The following C6orf52 variants were observed in gnomAD, a reference collection of about 807,000 sequenced individuals.
C6orf52 encodes chromosome 6 open reading frame 52.
A neutral mutation model predicts 16.6 loss-of-function variants in C6orf52; 16 were observed. The ratio of observed to expected loss-of-function variants is 0.96; its 90% CI spans 0.65 to 1.46. C6orf52 has a LOEUF of 1.46. Ranked by LOEUF, C6orf52 falls within the 40% of genes most tolerant of loss-of-function variation. C6orf52 has a pLI of 0.00. For missense variants in C6orf52, 166 were observed against 182.3 expected, an observed-to-expected ratio of 0.91 and a Z score of 0.52; for synonymous variants, 53 against 61.4, an observed-to-expected ratio of 0.86 and a Z score of 0.64.
chr6:10,686,866 G>C (rs1768905813), intron 3 of C6orf52, 100 bp downstream of exon 3: 10 of 870,446 alleles, frequency 1.1e-5, no homozygotes, highest in Non-Finnish European at 1.7e-5. Flanking sequence ...CATGTCTGTG[G>C]GAATTTGGAT....
chr6:10,672,719 G>A (rs771738928), intron 4 of C6orf52: 42 of 530,134 alleles, frequency 7.9e-5, no homozygotes, highest in Middle Eastern at 4.9e-4. Context: ...GCATAAAGAG[G>A]TCAAGTGTGG....
At chr6:10,679,207 A>T (rs921114910) in intron 4 of C6orf52, among the ~76,000 whole-genome samples, 6 of 152,104 alleles carry the variant, frequency 3.9e-5, no homozygotes, top group African/African-American at 1.4e-4. Flanking sequence ...TGGGAGGATG[A>T]CGTGGGTGGA....
rs377226767 is a variant in C6orf52 at position 10,694,587 on chromosome 6, C to A, written c.-105G>T. ...CCCACAACAATGCACGCTGCCGGCG[C>A]TACAGCCCCTAAGCAACCGGCCGGA... On this transcript the variant is annotated 5_prime_UTR_variant, in exon 1 of 5. Transcript: ENST00000259983. 2.3e-4 allele frequency: 40 copies of A among 170,510 alleles called. No homozygotes were observed. The highest frequency in any genetic ancestry group is 1.2e-3 in the South Asian group (10 of 8,568). 10.6% of individuals were successfully genotyped at this position (170,510 alleles called of 1,614,324 possible). A position where few individuals can be genotyped will look rare whatever the true frequency, so the allele number is the denominator to read the frequency against.
intron 3 of C6orf52, among the ~76,000 whole-genome samples, 173 bp from the exon 4 acceptor site, chr6:10,683,405 G>A (rs1401199234): frequency 9.9e-5 from 15 of 152,138 alleles, no homozygotes; most frequent in Admixed American, 9.8e-4. Context: ...ATCTTTAGGT[G>A]GCATAGTACA....
intron 4 of C6orf52, among the ~76,000 whole-genome samples, chr6:10,676,136 AC>A (rs1209158812): frequency 2.1e-5 from 3 of 145,444 alleles, no homozygotes; most frequent in Non-Finnish European, 4.4e-5. Flanking sequence ...TCTCAAAAAA[AC>A]AAAACAAAAC....
At chr6:10,673,252 T>G (rs1457136794) in intron 4 of C6orf52, among the ~76,000 whole-genome samples, 1 of 152,246 alleles carries the variant, frequency 6.6e-6, no homozygotes, top group African/African-American at 2.4e-5. Context: ...GAGCATGCTC[T>G]CCACTTAACC....
Position 10,694,591 on chromosome 6 carries a change from A to AAT in C6orf52, c.-110_-109insAT. On this transcript the variant is annotated 5_prime_UTR_variant, in exon 1 of 5. Coordinates refer to ENST00000259983, the MANE Select transcript of C6orf52 (RefSeq NM_001145020.3). The stretch of plus-strand genomic sequence containing the variant: ...CAACAATGCACGCTGCCGGCGCTAC[A>AAT]GCCCCTAAGCAACCGGCCGGAAGTC... The AAT allele has an allele frequency of 2.8e-5, 5 of 180,124 alleles. No individual in the cohort carries two copies. The highest frequency in any genetic ancestry group is 1.2e-4 in the Admixed American group (2 of 17,232). 11.2% of individuals were successfully genotyped at this position (180,124 alleles called of 1,614,324 possible).
rs761728993 is a variant in C6orf52 at position 10,671,433 on chromosome 6, C to T, written c.*23G>A. 180 of 1,511,470 alleles carry T rather than the reference C, an allele frequency of 1.2e-4. 1 individual carries two copies. The South Asian group carries it at 1.6e-3, about 13-fold the overall frequency. The allele number at this position is 1,511,470 out of a possible 1,614,324, so 93.6% of individuals were successfully genotyped here. A position where few individuals can be genotyped will look rare whatever the true frequency, so the allele number is the denominator to read the frequency against. On this transcript the variant is annotated 3_prime_UTR_variant, in exon 5 of 5. Coordinates refer to ENST00000259983, the MANE Select transcript of C6orf52 (RefSeq NM_001145020.3). Reference sequence around the variant, plus strand: ...GACGACACAATTAGTATGATAATTGCGGAGTTTAATGAACACCTTGCTTCA... The same window carrying T: ...GACGACACAATTAGTATGATAATTGTGGAGTTTAATGAACACCTTGCTTCA...
In C6orf52 at chr6:10,683,215, A is replaced by T; in HGVS notation, c.288T>A (p.Ala96=). ...LVMPKETTPL[A]ENQDEDPLED... The stretch of plus-strand genomic sequence containing the variant: ...CTAGTGGGTCTTCATCTTGGTTTTC[A>T]GCTAGAGGTGTGGTTTCCTGCAACA... The change falls in exon 4 of 5, where the codon GCT becomes GCA. Residue 96 remains alanine (A), a synonymous_variant. Transcript: ENST00000259983. 2 of 1,547,190 alleles carry T rather than the reference A, an allele frequency of 1.3e-6. No homozygotes were observed. Among genetic ancestry groups the T allele is most frequent in the Non-Finnish European group, 1.7e-6 (2 of 1,144,200 alleles).
At chr6:10,673,634 A>G (rs1767614553) in intron 4 of C6orf52, among the ~76,000 whole-genome samples, 1 of 152,356 alleles carries the variant, frequency 6.6e-6, no homozygotes, top group South Asian at 2.1e-4. Flanking sequence ...GTTACACAAC[A>G]TTACGAATGT....
intron 4 of C6orf52, chr6:10,672,510 TA>T (rs1200314596): frequency 2.8e-5 from 19 of 681,390 alleles, no homozygotes; most frequent in Non-Finnish European, 4.2e-5. Context: ...AGTGCCCTTA[TA>T]AAAAGCGACA....
intron 1 of C6orf52, among the ~76,000 whole-genome samples, chr6:10,693,549 G>A (rs777949998): frequency 9.2e-5 from 14 of 152,316 alleles, no homozygotes; most frequent in Non-Finnish European, 1.8e-4. Flanking sequence ...AAGCGCTGAA[G>A]CACTGTATCG....
intron 4 of C6orf52, among the ~76,000 whole-genome samples, chr6:10,678,155 C>CA (rs1049075332): frequency 1.9e-4 from 28 of 145,000 alleles, no homozygotes; most frequent in Non-Finnish European, 3.1e-4. Flanking sequence ...CACTGCCCTC[C>CA]AGCCTGGGCA....
At chr6:10,676,750 C>T (rs1055115384) in intron 4 of C6orf52, among the ~76,000 whole-genome samples, 4 of 152,198 alleles carry the variant, frequency 2.6e-5, no homozygotes, top group Admixed American at 6.5e-5. Context: ...TGCTACAGGC[C>T]TACTTTTCCT....
intron 4 of C6orf52, among the ~76,000 whole-genome samples, chr6:10,676,132 AAAAAC>A (rs201753993): frequency 0.023 from 3,452 of 152,198 alleles, 105 homozygotes; most frequent in African/African-American, 0.068. Context: ...TCACTCTCAA[AAAAAC>A]AAAACAAAAC....
At chr6:10,686,045 T>C (rs1384153112) in intron 3 of C6orf52, among the ~76,000 whole-genome samples, 1 of 152,114 alleles carries the variant, frequency 6.6e-6, no homozygotes, top group African/African-American at 2.4e-5. Context: ...AAAATCGCAA[T>C]GTATCTAACT....
intron 4 of C6orf52, among the ~76,000 whole-genome samples, chr6:10,680,073 C>A (rs920047580): frequency 6.6e-6 from 1 of 152,016 alleles, no homozygotes; most frequent in Non-Finnish European, 1.5e-5. Context: ...GGCAACATGG[C>A]GAAACCCCAT....
At chr6:10,673,810 C>G (rs1025353625) in intron 4 of C6orf52, among the ~76,000 whole-genome samples, 2 of 151,754 alleles carry the variant, frequency 1.3e-5, no homozygotes, top group Non-Finnish European at 2.9e-5. Flanking sequence ...GAATAGCCCT[C>G]AAAATAAGGG....
chr6:10,692,132 A>C (rs1769369155), intron 1 of C6orf52, among the ~76,000 whole-genome samples: 1 of 152,244 alleles, frequency 6.6e-6, no homozygotes, highest in African/African-American at 2.4e-5. Flanking sequence ...AACAGAATAT[A>C]CAAAGCATGA....
Sources: gnomAD v4.1 joint callset for allele counts (sites outside exome capture counted in the v4.1 genomes callset) on GRCh38, gnomAD v4.1.1 for gene constraint, MANE v1.5 for transcripts, NCBI Gene and HGNC (gene_info 2026-07-23, HGNC 2026-07-21) for gene names.